CCNB3: variants seen among roughly 807,000 people sequenced by gnomAD.
CCNB3 encodes the protein G2/mitotic-specific cyclin-B3.
Under a neutral mutation model 68.0 loss-of-function variants are expected in CCNB3, and 12 were observed. That is an observed-to-expected ratio of 0.18 (90% CI 0.11 to 0.29). The LOEUF (loss-of-function observed/expected upper bound fraction) is 0.29, where lower values mean the gene tolerates loss of function less well. Among genes scored for constraint, CCNB3 ranks in the 10% least tolerant of loss-of-function variants. CCNB3 has a pLI of 1.00. For missense variants in CCNB3, 904 were observed against 993.1 expected (o/e 0.91, Z 1.21); for synonymous variants, 354 against 388.9 (o/e 0.91, Z 1.06).
chrX:50,279,658 GTAAATATATGAATATGTACATTCATC>G (rs1936061871), intron 1 of CCNB3, among the ~76,000 whole-genome samples: 12 of 88,867 alleles, frequency 1.4e-4, no homozygotes, highest in African/African-American at 4.8e-4. Flanking sequence ...ATTCATCTAT[GTAAATATATGAATATGTACATTCATC>G]TATGCAAACA....
chrX:50,301,206 C>T (rs781826914), intron 5 of CCNB3, among the ~76,000 whole-genome samples: 8 of 110,629 alleles, frequency 7.2e-5, no homozygotes, highest in East Asian at 2.8e-4. Flanking sequence ...GGAGGAGAGG[C>T]GCTCTGATTT....
At chrX:50,320,094 GT>G (rs1921941230) in intron 8 of CCNB3, among the ~76,000 whole-genome samples, 1 of 110,603 alleles carries the variant, frequency 9.0e-6, no homozygotes, top group Non-Finnish European at 1.9e-5. Context: ...TGGGTTTTTT[GT>G]TTGTTTGTTT....
chrX:50,296,181 G>T (rs1557210880), intron 5 of CCNB3, among the ~76,000 whole-genome samples: 1 of 107,687 alleles, frequency 9.3e-6, no homozygotes, highest in African/African-American at 3.4e-5. Context: ...TGCACAACGT[G>T]CAGGTTTGTT....
intron 1 of CCNB3, among the ~76,000 whole-genome samples, chrX:50,214,724 ATATATC>A (rs1453424167): frequency 9.7e-6 from 1 of 102,577 alleles, no homozygotes; most frequent in Non-Finnish European, 2.0e-5. Context: ...TTAAAAATGA[ATATATC>A]TATTTTAAAT....
At chrX:50,321,120 G>A (rs1426702727) in intron 8 of CCNB3, among the ~76,000 whole-genome samples, 1 of 111,725 alleles carries the variant, frequency 9.0e-6, no homozygotes, top group Non-Finnish European at 1.9e-5. Flanking sequence ...ATCAAAAGAT[G>A]CACATGAAAA....
chrX:50,334,654 A>G (rs782380213), intron 8 of CCNB3, among the ~76,000 whole-genome samples: 93 of 112,442 alleles, frequency 8.3e-4, no homozygotes, highest in Non-Finnish European at 1.4e-3. Context: ...TCTTTCTGAC[A>G]CATAGAGTGT....
At chrX:50,214,503 TA>T (rs1935534470) in intron 1 of CCNB3, among the ~76,000 whole-genome samples, 1 of 72,471 alleles carries the variant, frequency 1.4e-5, no homozygotes, top group African/African-American at 4.5e-5. Context: ...TATATATATA[TA>T]TATATTTTAG....
At chrX:50,225,229 T>C (rs996415506) in intron 1 of CCNB3, among the ~76,000 whole-genome samples, 48 of 110,874 alleles carry the variant, frequency 4.3e-4, no homozygotes, top group African/African-American at 1.4e-3. Context: ...GAGAAAAAAC[T>C]TGCAATTTCA....
intron 1 of CCNB3, among the ~76,000 whole-genome samples, chrX:50,212,396 T>C (rs1935497766): frequency 8.9e-6 from 1 of 112,201 alleles, no homozygotes; most frequent in Admixed American, 9.5e-5. Flanking sequence ...ATTATTGTAG[T>C]AACTGACTAA....
At chrX:50,216,511 G>A (rs913382539) in intron 1 of CCNB3, among the ~76,000 whole-genome samples, 5 of 109,113 alleles carry the variant, frequency 4.6e-5, no homozygotes, top group African/African-American at 6.7e-5. Context: ...CTCCTGATCC[G>A]CTCGCCTCGG....
rs963508425 is a variant in CCNB3, at chrX:50,220,307, G to A, written c.-113+15357G>A. ...TGGCCAGAACTTCCAATACTATGCT[G>A]AATAGGAGTGGTGAGAGAGGGCATC... On this transcript the variant is annotated intron_variant, in intron 1 of 12. Transcript: ENST00000376042. Among the ~76,000 whole-genome samples the A allele has an allele frequency of 3.6e-4, 40 of 111,663 alleles. No individual in the cohort carries two copies. The East Asian group carries it at 0.011, about 31-fold the overall frequency.
At chrX:50,343,624 T>G (rs1235115354) in intron 9 of CCNB3, among the ~76,000 whole-genome samples, 1 of 111,713 alleles carries the variant, frequency 9.0e-6, no homozygotes, top group Non-Finnish European at 1.9e-5. Context: ...GAGGATCCCT[T>G]GAGCCCAGGA....
At chrX:50,350,747 G>A (rs1923635831) in intron 11 of CCNB3, among the ~76,000 whole-genome samples, 1 of 108,680 alleles carries the variant, frequency 9.2e-6, no homozygotes, top group South Asian at 4.2e-4. Context: ...CCAGGCTGGA[G>A]TGCAGTGGTG....
intron 5 of CCNB3, among the ~76,000 whole-genome samples, chrX:50,299,837 T>G (rs1459645962): frequency 8.9e-6 from 1 of 111,960 alleles, no homozygotes; most frequent in Non-Finnish European, 1.9e-5. Context: ...TGCATATATA[T>G]TTAGGATAGT....
At chrX:50,226,796 AATAT>A (rs1200404337) in intron 1 of CCNB3, among the ~76,000 whole-genome samples, 3 of 75,933 alleles carry the variant, frequency 4.0e-5, no homozygotes, top group African/African-American at 5.2e-5. Context: ...ATGTACATAG[AATAT>A]ATATATAGAG....
intron 1 of CCNB3, among the ~76,000 whole-genome samples, chrX:50,209,624 G>A (rs1404862033): frequency 8.9e-6 from 1 of 112,135 alleles, no homozygotes; most frequent in East Asian, 2.8e-4. Flanking sequence ...CCAAAGTGTC[G>A]GGATTACAGG....
chrX:50,310,543 G>A lies in CCNB3; in HGVS notation c.2374G>A (p.Ala792Thr). 8.3e-7 allele frequency: 1 copy of A among 1,211,408 alleles called. No individual in the cohort carries two copies. The highest frequency in any genetic ancestry group is 1.1e-6 in the Non-Finnish European group (1 of 895,278). The change falls in exon 6 of 13, where the codon GCG (alanine) becomes ACG (threonine). Residue 792 changes from alanine (A) to threonine (T), a missense_variant. By Grantham distance (58) the Ala-to-Thr change is moderately conservative (BLOSUM62 0). This residue lies in a region of CCNB3 where 619 missense variants were observed against 609.8 expected (regional missense o/e 1.02). Coordinates refer to ENST00000376042, the MANE Select transcript of CCNB3 (RefSeq NM_033031.3). ...GGCCTTGGAGGGGTATCCCAGCATT[G>A]CGGAGGGGGAGACCCTCTTCAAGAA... is the stretch of plus-strand genomic sequence containing the variant. ...PLALEGYPSI[A>T]EGETLFKKLL... is the part of the protein sequence containing the mutation.
At chrX:50,283,654 C>T (rs1441963571) in intron 1 of CCNB3, among the ~76,000 whole-genome samples, 1 of 110,874 alleles carries the variant, frequency 9.0e-6, no homozygotes, top group Non-Finnish European at 1.9e-5. Flanking sequence ...TAACCCCTCC[C>T]CAACATGTTA....
intron 6 of CCNB3, 106 bp from the exon 7 acceptor site, chrX:50,312,431 T>C: frequency 1.5e-6 from 1 of 658,911 alleles, no homozygotes; most frequent in Non-Finnish European, 2.5e-6. Flanking sequence ...TGAGACACCT[T>C]AGCAGAAGAA....
Sources: allele counts gnomAD v4.1 joint callset (sites outside exome capture counted in the v4.1 genomes callset), GRCh38; gene constraint gnomAD v4.1.1; regional missense constraint gnomAD v4.1.1; transcripts MANE v1.5; gene names NCBI Gene and HGNC (gene_info 2026-07-23, HGNC 2026-07-21).